The following ARHGAP26 variants were observed in gnomAD, a reference collection of about 807,000 sequenced individuals.
The protein encoded by ARHGAP26 is rho GTPase-activating protein 26.
In ARHGAP26, 38 loss-of-function variants were observed where a neutral mutation model predicts 104.8. That is an observed-to-expected ratio of 0.36 (90% CI 0.28 to 0.48). The LOEUF is 0.48. Among genes scored for constraint, ARHGAP26 ranks in the 20% least tolerant of loss-of-function variants. ARHGAP26 has a pLI of 0.99. For missense variants in ARHGAP26, 704 were observed against 947.9 expected (o/e 0.74, Z 3.38); for synonymous variants, 341 against 340.0 (o/e 1.00, Z -0.03).
chr5:143,182,788 C>T (rs956517570), intron 20 of ARHGAP26, among the ~76,000 whole-genome samples: 15 of 152,160 alleles, frequency 9.9e-5, no homozygotes, highest in East Asian at 1.9e-4. Flanking sequence ...GTCACTCTGT[C>T]GTTATCCACC....
rs150117523 is a variant in ARHGAP26 at position 142,829,066 on chromosome 5, G to T, written c.155-44334G>T. 2.6e-5 allele frequency among the ~76,000 whole-genome samples: 4 copies of T among 152,332 alleles called. No homozygotes were observed. The East Asian group carries it at 7.7e-4, about 29-fold the overall frequency. On this transcript the variant is annotated intron_variant, in intron 1 of 22. Transcript: ENST00000645722. Reference sequence around the variant, plus strand: ...AGCTTGATTAAATAGGTTAGTAAGTGCTGGTTAGGCATGTGCTTCTGTTGA... The same window carrying T: ...AGCTTGATTAAATAGGTTAGTAAGTTCTGGTTAGGCATGTGCTTCTGTTGA...
chr5:143,158,445 G>A (rs1408898702), intron 20 of ARHGAP26, among the ~76,000 whole-genome samples: 1 of 152,028 alleles, frequency 6.6e-6, no homozygotes, highest in African/African-American at 2.4e-5. Context: ...ACGCTGATTA[G>A]GCTAGAAACT....
chr5:143,068,796 C>T (rs1187425837), intron 17 of ARHGAP26, among the ~76,000 whole-genome samples: 1 of 152,168 alleles, frequency 6.6e-6, no homozygotes, highest in East Asian at 1.9e-4. Flanking sequence ...CCTCTCTTCC[C>T]ACTCATTCTT....
intron 14 of ARHGAP26, 91 bp downstream of exon 14, chr5:143,041,981 G>A: frequency 8.8e-7 from 1 of 1,135,612 alleles, no homozygotes; most frequent in Non-Finnish European, 1.3e-6. Flanking sequence ...ACAGCCTGTG[G>A]CAAAGGAATC....
At chr5:142,931,850 A>G (rs1764768846) in intron 10 of ARHGAP26, among the ~76,000 whole-genome samples, 197 bp from the exon 11 acceptor site, 1 of 152,196 alleles carries the variant, frequency 6.6e-6, no homozygotes, top group African/African-American at 2.4e-5. Context: ...TCTGAGGGAG[A>G]TGGGCTGACT....
At chr5:143,180,117 TTC>T (rs1237180671) in intron 20 of ARHGAP26, among the ~76,000 whole-genome samples, 1 of 152,118 alleles carries the variant, frequency 6.6e-6, no homozygotes, top group African/African-American at 2.4e-5. Context: ...AGGTTTTAAA[TTC>T]TCTCTCTTTT....
At chr5:143,207,839 A>G (rs1808816679) in intron 21 of ARHGAP26, among the ~76,000 whole-genome samples, 1 of 152,196 alleles carries the variant, frequency 6.6e-6, no homozygotes, top group Non-Finnish European at 1.5e-5. Flanking sequence ...GGCAATATTT[A>G]TTTGTGGGGT....
intron 20 of ARHGAP26, among the ~76,000 whole-genome samples, chr5:143,206,039 C>G (rs1284607518): frequency 2.0e-5 from 3 of 152,156 alleles, no homozygotes; most frequent in Admixed American, 2.0e-4. Context: ...ATAGGTGTTA[C>G]AACAGTAAGT....
In ARHGAP26 at chr5:143,131,768, T is replaced by C. The variant is rs146774922; in HGVS notation, c.1699-2199T>C. 7.5e-3 allele frequency among the ~76,000 whole-genome samples: 1,136 copies of C among 152,286 alleles called. 17 individuals are homozygous for C. The highest frequency in any genetic ancestry group is 0.025 in the African/African-American group (1,052 of 41,540). ...GCTTAGAGATGCATCATGGGATGCA[T>C]CTGCCTAGCATAGTGCCTGGTAGGT... On this transcript the variant is annotated intron_variant, in intron 18 of 22. Coordinates refer to ENST00000645722, the MANE Select transcript of ARHGAP26 (RefSeq NM_001135608.3).
At chr5:143,089,346 G>A (rs1217655533) in intron 17 of ARHGAP26, among the ~76,000 whole-genome samples, 1 of 152,172 alleles carries the variant, frequency 6.6e-6, no homozygotes, top group Non-Finnish European at 1.5e-5. Context: ...TTATGGCTGC[G>A]AGGGAAGTAA....
intron 1 of ARHGAP26, among the ~76,000 whole-genome samples, chr5:142,800,973 A>T (rs952327829): frequency 6.6e-6 from 1 of 152,150 alleles, no homozygotes; most frequent in Non-Finnish European, 1.5e-5. Flanking sequence ...CTGATGGGGA[A>T]CATCAGGTCA....
At chr5:143,066,559 G>T (rs750237912) in intron 17 of ARHGAP26, among the ~76,000 whole-genome samples, 1 of 152,222 alleles carries the variant, frequency 6.6e-6, no homozygotes, top group East Asian at 1.9e-4. Flanking sequence ...GGAGAAAGAA[G>T]ATGATAGAGC....
chr5:143,036,895 C>T (rs1418249576), intron 12 of ARHGAP26, among the ~76,000 whole-genome samples: 1 of 152,196 alleles, frequency 6.6e-6, no homozygotes, highest in African/African-American at 2.4e-5. Context: ...TCACCTTATG[C>T]TGCAGTTTCT....
chr5:142,892,493 A>T (rs1250350727), intron 5 of ARHGAP26, among the ~76,000 whole-genome samples: 1 of 151,980 alleles, frequency 6.6e-6, no homozygotes, highest in African/African-American at 2.4e-5. Flanking sequence ...TTTAGTGAAG[A>T]TTAAATAATT....
intron 19 of ARHGAP26, among the ~76,000 whole-genome samples, chr5:143,146,781 A>G (rs1403687632): frequency 6.6e-6 from 1 of 152,192 alleles, no homozygotes; most frequent in Non-Finnish European, 1.5e-5. Context: ...ATGGAATTGG[A>G]GGTGGGACAT....
intron 1 of ARHGAP26, among the ~76,000 whole-genome samples, chr5:142,790,583 A>G (rs1214364618): frequency 6.6e-6 from 1 of 152,102 alleles, no homozygotes; most frequent in Admixed American, 6.5e-5. Context: ...TACAGTTCGG[A>G]CACCTTACCA....
chr5:143,141,268 A>G (rs1025689579), intron 19 of ARHGAP26, among the ~76,000 whole-genome samples: 2 of 152,260 alleles, frequency 1.3e-5, no homozygotes, highest in African/African-American at 4.8e-5. Context: ...AAAACAAGCC[A>G]TTCTAGGCGC....
intron 11 of ARHGAP26, among the ~76,000 whole-genome samples, chr5:142,972,657 C>A: frequency 6.6e-6 from 1 of 152,082 alleles, no homozygotes; most frequent in Non-Finnish European, 1.5e-5. Context: ...TCTCTACCCC[C>A]CAAGAACAGC....
chr5:142,878,273 G>A (rs537550030), intron 3 of ARHGAP26, among the ~76,000 whole-genome samples: 1 of 152,280 alleles, frequency 6.6e-6, no homozygotes, highest in South Asian at 2.1e-4. Context: ...GTAAAATATT[G>A]TACTGCCTTA....
Sources: allele counts gnomAD v4.1 joint callset (sites outside exome capture counted in the v4.1 genomes callset), GRCh38; gene constraint gnomAD v4.1.1; transcripts MANE v1.5; gene names NCBI Gene and HGNC (gene_info 2026-07-23, HGNC 2026-07-21).